Variants in DHX30 observed in about 807,000 individuals in gnomAD.
DHX30 encodes DExH-box helicase 30, also known as ATP-dependent RNA helicase DHX30.
A neutral mutation model predicts 116.9 loss-of-function variants in DHX30; 4 were observed. That is an observed-to-expected ratio of 0.03 (90% CI 0.02 to 0.08). DHX30 has a LOEUF of 0.08. Ranked by LOEUF, DHX30 falls within the 10% of genes least tolerant of loss-of-function variation. The pLI is 1.00. For missense variants in DHX30, 871 were observed against 1,595.1 expected, an observed-to-expected ratio of 0.55 and a Z score of 7.73; for synonymous variants, 697 against 651.7, an observed-to-expected ratio of 1.07 and a Z score of -1.06.
intron 2 of DHX30, among the ~76,000 whole-genome samples, chr3:47,805,715 A>G (rs957783896): frequency 3.3e-5 from 5 of 151,812 alleles, no homozygotes; most frequent in African/African-American, 4.8e-5. Flanking sequence ...ATTGTTTTGT[A>G]TTTTTAGTAG....
intron 6 of DHX30, among the ~76,000 whole-genome samples, chr3:47,837,498 A>G (rs1226964667): frequency 6.6e-6 from 1 of 152,156 alleles, no homozygotes; most frequent in Non-Finnish European, 1.5e-5. Context: ...GCCAGGCATG[A>G]GGGCCTGTAA....
At chr3:47,820,775 C>T (rs2036259492) in intron 4 of DHX30, among the ~76,000 whole-genome samples, 1 of 152,080 alleles carries the variant, frequency 6.6e-6, no homozygotes, top group African/African-American at 2.4e-5. Context: ...GATTGCTGAG[C>T]CAGTAAATGC....
chr3:47,840,150 C>T (rs1253548555), intron 6 of DHX30, among the ~76,000 whole-genome samples: 1 of 151,660 alleles, frequency 6.6e-6, no homozygotes, highest in African/African-American at 2.4e-5. Context: ...GCACTCGCCA[C>T]CACGCCTGGC....
chr3:47,816,770 G>A, intron 3 of DHX30: 1 of 985,474 alleles, frequency 1.0e-6, no homozygotes, highest in Admixed American at 6.1e-5. Flanking sequence ...GACTGTGGGG[G>A]AGGAGGGTTG....
At chr3:47,828,698 A>G (rs2036662767) in intron 5 of DHX30, among the ~76,000 whole-genome samples, 1 of 151,238 alleles carries the variant, frequency 6.6e-6, no homozygotes, top group Non-Finnish European at 1.5e-5. Context: ...GTGAGGCAAC[A>G]GTGCAGCCTG....
Position 47,849,619 on chromosome 3 carries a change from G to A in DHX30, c.3192-11G>A, listed in dbSNP as rs747968275. The A allele has an allele frequency of 6.2e-6, 10 of 1,614,124 alleles. No individual in the cohort carries two copies. In the East Asian group the frequency reaches 2.0e-4, roughly 32 times the overall value. ...CCAAAAGGGTGGCCTCACCAGCCCT[G>A]TGTTCCCTAGGGAGGCCACACGGTT... is the stretch of plus-strand genomic sequence containing the variant. On this transcript the variant is annotated splice_polypyrimidine_tract_variant and intron_variant, in intron 20 of 21. Transcript: ENST00000445061.
At chr3:47,844,008 G>T (rs906564259) in intron 9 of DHX30, among the ~76,000 whole-genome samples, 7 of 152,228 alleles carry the variant, frequency 4.6e-5, no homozygotes, top group Non-Finnish European at 7.3e-5. Context: ...GGCCATGGCC[G>T]TTCTCTTGAA....
chr3:47,849,253 C>T lies in DHX30; in HGVS notation c.2991C>T (p.Asp997=), dbSNP rs769344508. Residue 997 remains aspartate, a synonymous_variant, in exon 19 of 22, where the codon GAC becomes GAT. Transcript: ENST00000445061. ...YEAFLVGKPS[D]CTLASAQCNE... is the part of the protein sequence containing the mutation. ...CCTTCCTGGTGGGGAAGCCCTCGGA[C>T]TGCACCCTGGCCTCCGCCCAGTGCA... 3.1e-6 allele frequency: 5 copies of T among 1,614,042 alleles called. No individual in the cohort carries two copies. The African/African-American group carries it at 4.0e-5, about 13-fold the overall frequency.
intron 6 of DHX30, among the ~76,000 whole-genome samples, chr3:47,835,170 ATTTTT>A (rs552610417): frequency 1.9e-5 from 2 of 106,500 alleles, no homozygotes; most frequent in Non-Finnish European, 2.0e-5. Context: ...TGCCTGGCTA[ATTTTT>A]TTTTTTTTTT....
At chr3:47,822,647 T>C (rs2036349739) in intron 4 of DHX30, among the ~76,000 whole-genome samples, 1 of 151,574 alleles carries the variant, frequency 6.6e-6, no homozygotes, top group Admixed American at 6.6e-5. Flanking sequence ...TAGCTGGGCA[T>C]GGTGGCACGT....
At chr3:47,816,118 T>C (rs958870046) in intron 3 of DHX30, 1 of 984,602 alleles carries the variant, frequency 1.0e-6, no homozygotes, top group Non-Finnish European at 1.2e-6. Flanking sequence ...GCACGTCTGC[T>C]GTAACTCTAT....
chr3:47,845,667 A>T, intron 9 of DHX30, 33 bp from the exon 10 acceptor site: 1 of 1,540,390 alleles, frequency 6.5e-7, no homozygotes, highest in Non-Finnish European at 8.8e-7. Flanking sequence ...GGAGCCCCAG[A>T]GCATAGACTG....
In DHX30 at chr3:47,849,012, C is replaced by T. The variant is rs1160927249; in HGVS notation, c.2862C>T (p.Asp954=). Residue 954 remains aspartate, a synonymous_variant, in exon 18 of 22, where the codon GAC becomes GAT. Coordinates refer to ENST00000445061, the MANE Select transcript of DHX30 (RefSeq NM_138615.3). ...AGWEEVLRWQ[D]RSSRENYLEE... is the part of the protein sequence containing the mutation. ...GGGAGGAGGTGCTGCGTTGGCAGGACCGCAGCTCCCGGGAGAATTACCTGG... is the reference window on the plus strand; with the variant it reads ...GGGAGGAGGTGCTGCGTTGGCAGGATCGCAGCTCCCGGGAGAATTACCTGG... The T allele has an allele frequency of 6.2e-7, 1 of 1,613,506 alleles. No individual in the cohort carries two copies. Among genetic ancestry groups the T allele is most frequent in the Non-Finnish European group, 8.5e-7 (1 of 1,179,824 alleles).
In DHX30 at chr3:47,847,253, C is replaced by A; in HGVS notation, c.1930-20C>A. 1 of 1,614,166 alleles carries A rather than the reference C, an allele frequency of 6.2e-7. No homozygotes were observed. The highest frequency in any genetic ancestry group is 8.5e-7 in the Non-Finnish European group (1 of 1,179,990). ...CCTTACCCCGGGGCTGTGACTGTGGCCTCTCTTCCCCCACCCCAGTCTGAG... is the reference window on the plus strand; with the variant it reads ...CCTTACCCCGGGGCTGTGACTGTGGACTCTCTTCCCCCACCCCAGTCTGAG... On this transcript the variant is annotated intron_variant, in intron 11 of 21. Coordinates refer to ENST00000445061, the MANE Select transcript of DHX30 (RefSeq NM_138615.3). This position sits in a 1 kb window ranked among gnomAD's most constrained non-coding sequence, Gnocchi z 5.5.
At chr3:47,832,115 T>TACA (rs2036888865) in intron 6 of DHX30, among the ~76,000 whole-genome samples, 1 of 151,526 alleles carries the variant, frequency 6.6e-6, no homozygotes, top group Non-Finnish European at 1.5e-5. Context: ...CTTACTCTGT[T>TACA]GCCCAGGCTG....
chr3:47,840,267 G>T (rs1234323941), intron 6 of DHX30, among the ~76,000 whole-genome samples: 1 of 151,606 alleles, frequency 6.6e-6, no homozygotes, highest in Admixed American at 6.6e-5. Flanking sequence ...AAAGTGCTGG[G>T]ATTACAGGTG....
intron 1 of DHX30, among the ~76,000 whole-genome samples, chr3:47,804,412 G>A (rs1391892312): frequency 1.3e-5 from 2 of 152,122 alleles, no homozygotes; most frequent in African/African-American, 4.8e-5. Context: ...AAAATTAGCC[G>A]GGCATGGTGG....
intron 6 of DHX30, among the ~76,000 whole-genome samples, chr3:47,833,149 T>C (rs1229928719): frequency 6.6e-6 from 1 of 152,092 alleles, no homozygotes; most frequent in Non-Finnish European, 1.5e-5. Context: ...ACATACACTT[T>C]CATAAACACA....
At chr3:47,829,314 A>AT (rs10683438) in intron 6 of DHX30, among the ~76,000 whole-genome samples, 180 bp downstream of exon 6, 2,487 of 34,186 alleles carry the variant, frequency 0.073, 464 homozygotes, top group East Asian at 0.15. Context: ...ATATATATAT[A>AT]TTTTTTTTTT....
Sources: gnomAD v4.1 joint callset for allele counts (sites outside exome capture counted in the v4.1 genomes callset) on GRCh38, gnomAD v4.1.1 for gene constraint, Gnocchi (gnomAD v3.1) non-coding constraint, MANE v1.5 for transcripts, NCBI Gene and HGNC (gene_info 2026-07-23, HGNC 2026-07-21) for gene names.